TOR1AIP2: variants seen among roughly 807,000 people sequenced by gnomAD.
The protein encoded by TOR1AIP2 is torsin 1A interacting protein 2.
A neutral mutation model predicts 32.6 loss-of-function variants in TOR1AIP2; 20 were observed. The observed-to-expected ratio is 0.61, with a 90% confidence interval of 0.43 to 0.89. The LOEUF (loss-of-function observed/expected upper bound fraction) is 0.89. Among genes scored for constraint, TOR1AIP2 ranks in the 40% least tolerant of loss-of-function variants. TOR1AIP2 has a pLI of 0.00. For missense variants in TOR1AIP2, 456 were observed against 553.8 expected (o/e 0.82, Z 1.77); for synonymous variants, 214 against 210.8 (o/e 1.02, Z -0.13).
At chr1:179,868,751 T>C (rs1010475080) in intron 2 of TOR1AIP2, 2 of 152,066 alleles carry the variant, frequency 1.3e-5, no homozygotes, top group Admixed American at 6.6e-5. Flanking sequence ...AAAATGCAAG[T>C]AGCACAAGGA....
intron 3 of TOR1AIP2, chr1:179,864,756 T>C: frequency 6.4e-7 from 1 of 1,553,444 alleles, no homozygotes; most frequent in Non-Finnish European, 8.7e-7. Context: ...GCCTCTAGAC[T>C]TGACAATTTT....
intron 3 of TOR1AIP2, among the ~76,000 whole-genome samples, chr1:179,855,490 T>C (rs545306010): frequency 6.6e-6 from 1 of 152,212 alleles, no homozygotes; most frequent in African/African-American, 2.4e-5. Context: ...AAAAAATAAA[T>C]TAATGGTGAG....
At chr1:179,860,162 ATCAGT>A in intron 3 of TOR1AIP2, 2 of 985,412 alleles carry the variant, frequency 2.0e-6, no homozygotes, top group Non-Finnish European at 2.4e-6. Flanking sequence ...TAATTCAGCC[ATCAGT>A]TCAAACAATT....
intron 3 of TOR1AIP2, chr1:179,859,293 A>G (rs1251540000): frequency 1.2e-6 from 1 of 822,030 alleles, no homozygotes; most frequent in Non-Finnish European, 1.5e-6. Context: ...GGTGTAGACT[A>G]TTAATATTCC....
In TOR1AIP2 at chr1:179,865,869, A is replaced by C. The variant is rs1696751276; in HGVS notation, c.-565-15T>G. 6.6e-6 allele frequency: 1 copy of C among 152,594 alleles called. No homozygotes were observed. Among genetic ancestry groups the C allele is most frequent in the Non-Finnish European group, 1.5e-5 (1 of 68,032 alleles). The allele number at this position is 152,594 out of a possible 1,614,324, so 9.5% of individuals were successfully genotyped here. On this transcript the variant is annotated splice_polypyrimidine_tract_variant and intron_variant, in intron 2 of 6. Transcript: ENST00000609928. The stretch of plus-strand genomic sequence containing the variant: ...GCGTCACATACCTGTAAATGATAAA[A>C]CTTCAGACGACTCATGGGTTTTGCA...
At chr1:179,863,677 CAA>C (rs904854823) in intron 3 of TOR1AIP2, 21,966 of 804,038 alleles carry the variant, frequency 0.027, no homozygotes, top group Middle Eastern at 0.035. Context: ...TTTTAAAAAG[CAA>C]AAAAAAAAAA....
intron 3 of TOR1AIP2, 47 bp from the exon 4 acceptor site, chr1:179,852,858 G>A (rs1696168241): frequency 7.9e-7 from 1 of 1,262,946 alleles, no homozygotes; most frequent in Non-Finnish European, 1.0e-6. Flanking sequence ...TCCATACAAG[G>A]GAGAAATGCA....
intron 3 of TOR1AIP2, chr1:179,859,677 A>C: frequency 1.0e-6 from 1 of 985,468 alleles, no homozygotes; most frequent in African/African-American, 1.7e-5. Context: ...AGATTATAAA[A>C]TGGGCCTAAA....
At chr1:179,861,616 G>A in intron 3 of TOR1AIP2, 3 of 985,416 alleles carry the variant, frequency 3.0e-6, no homozygotes, top group Non-Finnish European at 3.6e-6. Context: ...TTTAATTAAT[G>A]AGAAAAATGT....
At chr1:179,860,840 A>G (rs1696498820) in intron 3 of TOR1AIP2, 1 of 985,246 alleles carries the variant, frequency 1.0e-6, no homozygotes, top group South Asian at 4.7e-5. Flanking sequence ...GAGACTGGAG[A>G]GATGAACGGG....
chr1:179,872,169 T>G (rs1384981348), intron 2 of TOR1AIP2, among the ~76,000 whole-genome samples: 2 of 152,236 alleles, frequency 1.3e-5, no homozygotes, highest in Admixed American at 1.3e-4. Flanking sequence ...TGTGTATGCA[T>G]TGCTACCATA....
chr1:179,859,122 T>G (rs1696415093), intron 3 of TOR1AIP2: 2 of 985,156 alleles, frequency 2.0e-6, no homozygotes, highest in Middle Eastern at 5.2e-4. Context: ...AACTGGTATC[T>G]TGGCCCTGAA....
chr1:179,859,338 AAAGTT>A (rs1236652113), intron 3 of TOR1AIP2: 12 of 915,614 alleles, frequency 1.3e-5, no homozygotes, highest in African/African-American at 1.8e-5. Flanking sequence ...GAGATACAGA[AAAGTT>A]AAGAACGTTA....
intron 3 of TOR1AIP2, chr1:179,863,962 A>C: frequency 1.0e-6 from 1 of 985,384 alleles, no homozygotes; most frequent in Non-Finnish European, 1.2e-6. Flanking sequence ...GACTGTTCAT[A>C]ATATATATGA....
At chr1:179,866,727 T>C (rs937450036) in intron 2 of TOR1AIP2, among the ~76,000 whole-genome samples, 2 of 152,150 alleles carry the variant, frequency 1.3e-5, no homozygotes, top group African/African-American at 2.4e-5. Flanking sequence ...GTTTTATTGG[T>C]TTATACACCG....
chr1:179,845,643 G>C lies in TOR1AIP2; in HGVS notation c.*428C>G. On this transcript the variant is annotated 3_prime_UTR_variant, in exon 7 of 7. Transcript: ENST00000609928. ...CATGTGATAGAAAAATTTTCTAAAGGTTATCATTGCTTCATAATTCTAATT... is the reference window on the plus strand; with the variant it reads ...CATGTGATAGAAAAATTTTCTAAAGCTTATCATTGCTTCATAATTCTAATT... 1 of 153,876 alleles carries C rather than the reference G, an allele frequency of 6.5e-6. No homozygotes were observed. 9.5% of individuals were successfully genotyped at this position (153,876 alleles called of 1,614,324 possible).
chr1:179,859,319 G>T, intron 3 of TOR1AIP2: 1 of 854,448 alleles, frequency 1.2e-6, no homozygotes, highest in South Asian at 5.4e-5. Context: ...TTTTAGAGAT[G>T]AGGAAACTGA....
Position 179,846,275 on chromosome 1 carries a change from T to C in TOR1AIP2, c.1209A>G (p.Glu403=). The change falls in exon 7 of 7, where the codon GAA becomes GAG. Residue 403 remains glutamate, a synonymous_variant. Coordinates refer to ENST00000609928, the MANE Select transcript of TOR1AIP2 (RefSeq NM_001199260.2). ...ALVLTVLLEE[E]TLEASVGPRE... is the part of the protein sequence containing the mutation. The stretch of plus-strand genomic sequence containing the variant: ...TTGGGCCTACACTTGCTTCTAATGT[T>C]TCCTCCTCTAGCAGAACAGTCAGGA... The C allele has an allele frequency of 6.2e-7, 1 of 1,614,190 alleles. No homozygotes were observed. The highest frequency in any genetic ancestry group is 1.1e-5 in the South Asian group (1 of 91,082).
intron 3 of TOR1AIP2, chr1:179,860,708 C>T: frequency 2.0e-6 from 2 of 985,018 alleles, no homozygotes; most frequent in African/African-American, 1.7e-5. Flanking sequence ...TGCCTAAGGT[C>T]ATTTAATAGT....
Sources: allele counts gnomAD v4.1 joint callset (sites outside exome capture counted in the v4.1 genomes callset), GRCh38; gene constraint gnomAD v4.1.1; transcripts MANE v1.5; gene names NCBI Gene and HGNC (gene_info 2026-07-23, HGNC 2026-07-21).